The following DMD variants were observed in gnomAD, a reference collection of about 807,000 sequenced individuals.
The protein encoded by DMD is dystrophin, also known as mutant dystrophin.
A neutral mutation model predicts 330.1 loss-of-function variants in DMD; 63 were observed. That is an observed-to-expected ratio of 0.19 (90% CI 0.16 to 0.24). The LOEUF (loss-of-function observed/expected upper bound fraction) is 0.24, where lower values mean the gene tolerates loss of function less well. DMD is among the 10% of genes least tolerant of loss of function. The pLI is 1.00. For synonymous variants in DMD, 1,223 were observed against 959.8 expected (o/e 1.27, Z -5.07); for missense variants, 3,344 against 2,684.1 (o/e 1.25, Z -5.43).
chrX:32,526,984 T>C (rs2046991260), intron 17 of DMD, among the ~76,000 whole-genome samples: 1 of 111,812 alleles, frequency 8.9e-6, no homozygotes, highest in Admixed American at 9.5e-5. Context: ...ACTTTGAGAG[T>C]GGAAGTCCTC....
intron 41 of DMD, among the ~76,000 whole-genome samples, chrX:32,337,999 A>T (rs1296748763): frequency 9.0e-6 from 1 of 111,721 alleles, no homozygotes; most frequent in Non-Finnish European, 1.9e-5. Flanking sequence ...TCTATAGACA[A>T]GAAATTCTTA....
chrX:32,717,530 G>A (rs2065854879), intron 7 of DMD, among the ~76,000 whole-genome samples: 2 of 112,022 alleles, frequency 1.8e-5, no homozygotes, highest in Non-Finnish European at 3.8e-5. Flanking sequence ...GAAGTCTGCT[G>A]CAGCGGGGGA....
At chrX:33,132,765 C>T (rs1460724281) in intron 1 of DMD, among the ~76,000 whole-genome samples, 1 of 112,290 alleles carries the variant, frequency 8.9e-6, no homozygotes, top group East Asian at 2.8e-4. Context: ...TTCCAGTTCT[C>T]CTATGTACTA....
chrX:32,320,212 C>G (rs748381834), intron 41 of DMD, among the ~76,000 whole-genome samples: 37 of 110,794 alleles, frequency 3.3e-4, no homozygotes, highest in African/African-American at 1.2e-3. Context: ...TTGTCACACC[C>G]CTCAGAAAAT....
chrX:33,310,719 A>G (rs2053835712), intron 1 of DMD, among the ~76,000 whole-genome samples: 1 of 111,204 alleles, frequency 9.0e-6, no homozygotes, highest in African/African-American at 3.3e-5. Flanking sequence ...TCATTTCCTG[A>G]TTCTAAATTT....
At position 32,625,968 on chromosome X, in the gene DMD, G is replaced by C. The variant is rs1025113960; in HGVS notation, c.1332-11515C>G. Among the ~76,000 whole-genome samples the C allele has an allele frequency of 8.0e-5, 9 of 112,061 alleles. No homozygotes were observed. In the Admixed American group the frequency reaches 8.5e-4, roughly 11 times the overall value. On this transcript the variant is annotated intron_variant, in intron 11 of 78. Transcript: ENST00000357033. ...AGTCTAGATTAGAAAAGAACTACCA[G>C]TGATGTTCAATTGACATGTCTTACA...
intron 17 of DMD, among the ~76,000 whole-genome samples, chrX:32,542,594 C>G (rs968386890): frequency 8.9e-6 from 1 of 112,127 alleles, no homozygotes; most frequent in Non-Finnish European, 1.9e-5. Context: ...CACTATTCAA[C>G]AGATGGTCAA....
intron 3 of DMD, among the ~76,000 whole-genome samples, chrX:32,847,118 A>G (rs1324977056): frequency 1.8e-5 from 2 of 112,415 alleles, no homozygotes; most frequent in African/African-American, 6.5e-5. Context: ...AGTTTTGAAA[A>G]TAATTACTCA....
At chrX:32,322,669 C>G (rs963260224) in intron 41 of DMD, among the ~76,000 whole-genome samples, 2 of 111,613 alleles carry the variant, frequency 1.8e-5, no homozygotes, top group Non-Finnish European at 3.8e-5. Context: ...ATGGGACAGA[C>G]AGCAACTTTA....
At chrX:31,256,826 A>G (rs142636815) in intron 63 of DMD, among the ~76,000 whole-genome samples, 1,347 of 110,135 alleles carry the variant, frequency 0.012, 16 homozygotes, top group African/African-American at 0.042. Context: ...TTGTAGCTAT[A>G]GAGACACTAA....
At chrX:31,479,951 G>A (rs778235226) in intron 57 of DMD, among the ~76,000 whole-genome samples, 2 of 111,692 alleles carry the variant, frequency 1.8e-5, no homozygotes, top group African/African-American at 3.2e-5. Context: ...ATAACCTAAC[G>A]GATACTCTGA....
intron 1 of DMD, among the ~76,000 whole-genome samples, chrX:33,153,800 G>T (rs926856788): frequency 2.7e-5 from 3 of 111,888 alleles, no homozygotes; most frequent in Admixed American, 9.5e-5. Flanking sequence ...AATCCACAGG[G>T]ATCTTGAAAA....
chrX:32,067,449 T>C (rs777023663), intron 44 of DMD, among the ~76,000 whole-genome samples: 1 of 111,108 alleles, frequency 9.0e-6, no homozygotes, highest in South Asian at 3.8e-4. Context: ...AATGATCCCA[T>C]TAACCAGGTA....
chrX:32,301,235 AAAAG>A (rs386416858), intron 42 of DMD, among the ~76,000 whole-genome samples: 23 of 108,049 alleles, frequency 2.1e-4, no homozygotes, highest in African/African-American at 7.7e-4. Flanking sequence ...AAAAAAAAAA[AAAAG>A]AAAGAAAAGA....
rs113728237 is a variant in DMD at position 32,710,163 on chromosome X, G to GTTT, written c.650-10873_650-10871dup. Among the ~76,000 whole-genome samples the GTTT allele has an allele frequency of 6.2e-4, 66 of 106,986 alleles. 1 individual carries two copies. The highest frequency in any genetic ancestry group is 2.2e-3 in the African/African-American group (65 of 29,097). The allele number at this position is 106,986 out of a possible 115,157, so 92.9% of individuals were successfully genotyped here. ...AATTATATACAAGAACTTTTATTAT[G>GTTT]TTTTTTTTTCATTTAAATTCACCAC... On this transcript the variant is annotated intron_variant, in intron 7 of 78. Coordinates refer to ENST00000357033, the MANE Select transcript of DMD (RefSeq NM_004006.3).
At chrX:32,418,169 C>T (rs1347721261) in intron 29 of DMD, among the ~76,000 whole-genome samples, 1 of 111,255 alleles carries the variant, frequency 9.0e-6, no homozygotes, top group Non-Finnish European at 1.9e-5. Context: ...CTATTCATGG[C>T]GCCATCTACC....
chrX:33,200,797 T>A (rs769617303), intron 1 of DMD, among the ~76,000 whole-genome samples: 1 of 110,523 alleles, frequency 9.0e-6, no homozygotes, highest in Non-Finnish European at 1.9e-5. Flanking sequence ...TCAATAACCT[T>A]ACAGTTAAGA....
At chrX:33,020,495 G>A (rs187230563) in intron 1 of DMD, among the ~76,000 whole-genome samples, 19 of 111,504 alleles carry the variant, frequency 1.7e-4, no homozygotes, top group African/African-American at 4.9e-4. Context: ...CCAACATGGC[G>A]AAACCCCATC....
intron 55 of DMD, among the ~76,000 whole-genome samples, chrX:31,557,747 G>A (rs1198572102): frequency 9.0e-6 from 1 of 111,698 alleles, no homozygotes; most frequent in Non-Finnish European, 1.9e-5. Flanking sequence ...AAAGGGTAGA[G>A]TGTAGTAGAA....
Sources: gnomAD v4.1 joint callset for allele counts (sites outside exome capture counted in the v4.1 genomes callset) on GRCh38, gnomAD v4.1.1 for gene constraint, MANE v1.5 for transcripts, NCBI Gene and HGNC (gene_info 2026-07-23, HGNC 2026-07-21) for gene names.